The following XIRP2 variants were observed in gnomAD, a reference collection of about 807,000 sequenced individuals.
The protein encoded by XIRP2 is xin actin-binding repeat-containing protein 2.
Under a neutral mutation model 277.0 loss-of-function variants are expected in XIRP2, and 236 were observed. That is an observed-to-expected ratio of 0.85 (90% CI 0.77 to 0.95). XIRP2 has a LOEUF of 0.95. Among genes scored for constraint, XIRP2 ranks in the 40% least tolerant of loss-of-function variants. The probability of loss-of-function intolerance (pLI) is 0.00; values close to 1 mark genes in which losing one functional copy is unlikely to be tolerated. For missense variants in XIRP2, 4,640 were observed against 4,157.5 expected, an observed-to-expected ratio of 1.12 and a Z score of -3.19; for synonymous variants, 1,490 against 1,416.5, an observed-to-expected ratio of 1.05 and a Z score of -1.17.
chr2:167,060,453 C>T (rs61209655), intron 2 of XIRP2, among the ~76,000 whole-genome samples: 1 of 152,144 alleles, frequency 6.6e-6, no homozygotes, highest in African/African-American at 2.4e-5. Context: ...GTATTTTTCC[C>T]CTGTTTTCTA....
chr2:166,919,917 C>T (rs1348453074), intron 2 of XIRP2, among the ~76,000 whole-genome samples: 1 of 152,098 alleles, frequency 6.6e-6, no homozygotes, highest in Non-Finnish European at 1.5e-5. Flanking sequence ...TCATATGCAC[C>T]AATGTCTCAA....
intron 2 of XIRP2, among the ~76,000 whole-genome samples, chr2:167,005,606 C>T (rs991028376): frequency 2.6e-5 from 4 of 151,640 alleles, no homozygotes; most frequent in Non-Finnish European, 4.4e-5. Flanking sequence ...AATGAATTAC[C>T]TCATAAATAA....
intron 2 of XIRP2, among the ~76,000 whole-genome samples, chr2:166,913,999 T>C (rs1432475993): frequency 3.9e-5 from 6 of 152,224 alleles, no homozygotes; most frequent in Non-Finnish European, 8.8e-5. Context: ...CCCCAGAGCA[T>C]ACAAGTATGT....
At chr2:167,009,455 A>G (rs1437249515) in intron 2 of XIRP2, among the ~76,000 whole-genome samples, 2 of 151,964 alleles carry the variant, frequency 1.3e-5, no homozygotes, top group Non-Finnish European at 2.9e-5. Context: ...TTCTTAATCC[A>G]GTGTATCATT....
intron 2 of XIRP2, among the ~76,000 whole-genome samples, chr2:166,988,212 T>C (rs1291346997): frequency 6.6e-6 from 1 of 152,168 alleles, no homozygotes; most frequent in Non-Finnish European, 1.5e-5. Context: ...ACCTCTGTTG[T>C]ATTATTGCCA....
rs375505001 is a variant in XIRP2, at chr2:167,176,978, C to A, written c.563-33757C>A. On this transcript the variant is annotated intron_variant, in intron 3 of 10. Coordinates refer to ENST00000409195, the MANE Select transcript of XIRP2 (RefSeq NM_152381.6). ...CTTGCACTCAGATTAAGGGACCAAG[C>A]TGATTGTGAGGTTTCTCTCTTCAAT... 3.6e-4 allele frequency among the ~76,000 whole-genome samples: 55 copies of A among 152,328 alleles called. 2 individuals carry two copies. The South Asian group carries it at 0.011, about 31-fold the overall frequency.
intron 2 of XIRP2, among the ~76,000 whole-genome samples, chr2:167,039,313 T>C (rs1272393652): frequency 6.6e-6 from 1 of 152,214 alleles, no homozygotes; most frequent in African/African-American, 2.4e-5. Flanking sequence ...AATCTATTCA[T>C]TTATTCAATT....
chr2:167,144,277 G>C (rs1691804809), intron 3 of XIRP2, among the ~76,000 whole-genome samples: 1 of 152,180 alleles, frequency 6.6e-6, no homozygotes, highest in East Asian at 1.9e-4. Flanking sequence ...TAAATATGGA[G>C]ATAGGGCTAA....
chr2:166,931,216 G>A (rs961685922), intron 2 of XIRP2, among the ~76,000 whole-genome samples: 7 of 152,198 alleles, frequency 4.6e-5, no homozygotes, highest in Non-Finnish European at 1.0e-4. Flanking sequence ...TTGTAATGCA[G>A]TGAGACCTGG....
rs76834673 is a variant in XIRP2 at position 167,020,241 on chromosome 2, G to A, written c.409-115668G>A. On this transcript the variant is annotated intron_variant, in intron 2 of 10. Coordinates refer to ENST00000409195, the MANE Select transcript of XIRP2 (RefSeq NM_152381.6). ...AATCTTCACTTTTATCTCATCTATC[G>A]GGATCTTTCAGGCCAAAGTTTATGA... 6.2e-3 allele frequency among the ~76,000 whole-genome samples: 943 copies of A among 151,906 alleles called. 79 individuals are homozygous for A. In the East Asian group the frequency reaches 0.16, roughly 26 times the overall value.
intron 2 of XIRP2, among the ~76,000 whole-genome samples, chr2:167,093,449 T>C (rs1690206531): frequency 6.6e-6 from 1 of 152,054 alleles, no homozygotes; most frequent in Admixed American, 6.5e-5. Context: ...GTATTTCTCC[T>C]AATGCTCTCC....
chr2:166,935,887 C>A (rs1483626793), intron 2 of XIRP2, among the ~76,000 whole-genome samples: 2 of 152,144 alleles, frequency 1.3e-5, no homozygotes, highest in Non-Finnish European at 2.9e-5. Flanking sequence ...GAGCATGTGT[C>A]TTTAGAGCAG....
intron 2 of XIRP2, among the ~76,000 whole-genome samples, chr2:167,064,523 A>G (rs1689253818): frequency 6.6e-6 from 1 of 151,938 alleles, no homozygotes; most frequent in Admixed American, 6.6e-5. Context: ...TACATATAAC[A>G]TAAAATGTGC....
At chr2:166,929,745 T>A (rs143322636) in intron 2 of XIRP2, among the ~76,000 whole-genome samples, 1 of 152,170 alleles carries the variant, frequency 6.6e-6, no homozygotes, top group Non-Finnish European at 1.5e-5. Flanking sequence ...CTGGAAAAGA[T>A]ATGAAGAATT....
chr2:166,931,281 G>A (rs1421448769), intron 2 of XIRP2, among the ~76,000 whole-genome samples: 2 of 152,072 alleles, frequency 1.3e-5, no homozygotes, highest in Non-Finnish European at 2.9e-5. Context: ...ATTTTGAAGT[G>A]GTTAATTTGC....
At position 167,258,906 on chromosome 2, in the gene XIRP2, C is replaced by A; in HGVS notation, c.*1089C>A. 1 of 1,613,062 alleles carries A rather than the reference C, an allele frequency of 6.2e-7. No individual in the cohort carries two copies. Among genetic ancestry groups the A allele is most frequent in the Non-Finnish European group, 8.5e-7 (1 of 1,179,582 alleles). ...GCTCTGAAGAAACAGACTGACAGAG[C>A]AGCTGCTGGCAGTCCTGTGCAGCCT... On this transcript the variant is annotated 3_prime_UTR_variant, in exon 11 of 11. Transcript: ENST00000409195.
chr2:166,895,174 A>G (rs1473082605), intron 1 of XIRP2, among the ~76,000 whole-genome samples: 1 of 152,188 alleles, frequency 6.6e-6, no homozygotes. Flanking sequence ...AGAGTTTACT[A>G]CTTTAATTAG....
chr2:167,145,849 T>C (rs528409421), intron 3 of XIRP2, among the ~76,000 whole-genome samples: 1 of 152,170 alleles, frequency 6.6e-6, no homozygotes, highest in Non-Finnish European at 1.5e-5. Flanking sequence ...AAATTGCCAC[T>C]GTGAAGGACC....
chr2:167,169,186 C>T (rs374011410), intron 3 of XIRP2, among the ~76,000 whole-genome samples: 8 of 152,334 alleles, frequency 5.3e-5, no homozygotes, highest in African/African-American at 1.9e-4. Context: ...ACGGCAAACT[C>T]TGTTCAGAAC....
Sources: allele counts gnomAD v4.1 joint callset (sites outside exome capture counted in the v4.1 genomes callset), GRCh38; gene constraint gnomAD v4.1.1; transcripts MANE v1.5; gene names NCBI Gene and HGNC (gene_info 2026-07-23, HGNC 2026-07-21).